The following IMMP2L variants were observed in gnomAD, a reference collection of about 807,000 sequenced individuals.
The protein encoded by IMMP2L is inner mitochondrial membrane peptidase subunit 2, also known as mitochondrial inner membrane protease subunit 2.
A neutral mutation model predicts 19.3 loss-of-function variants in IMMP2L; 18 were observed. That is an observed-to-expected ratio of 0.93 (90% confidence interval 0.64 to 1.38). IMMP2L has a LOEUF of 1.38. IMMP2L is among the 40% of genes most tolerant of loss of function. IMMP2L has a pLI of 0.00. For synonymous variants in IMMP2L, 76 were observed against 73.0 expected, an observed-to-expected ratio of 1.04 and a Z score of -0.21; for missense variants, 233 against 218.2, an observed-to-expected ratio of 1.07 and a Z score of -0.43.
At chr7:111,037,958 T>C (rs1190468277) in intron 3 of IMMP2L, among the ~76,000 whole-genome samples, 1 of 152,144 alleles carries the variant, frequency 6.6e-6, no homozygotes, top group Non-Finnish European at 1.5e-5. Context: ...AAAGTTCTCA[T>C]CCTATCTGTG....
chr7:111,048,238 C>CAAAAAAAAAAAAAAAAAAAAA (rs575701337), intron 3 of IMMP2L, among the ~76,000 whole-genome samples: 2 of 18,350 alleles, frequency 1.1e-4, no homozygotes, highest in African/African-American at 2.4e-4. Context: ...GACTCTGTCT[C>CAAAAAAAAAAAAAAAAAAAAA]AAAAAAAAAA....
intron 3 of IMMP2L, among the ~76,000 whole-genome samples, chr7:111,222,867 T>C (rs1369086195): frequency 1.3e-5 from 2 of 151,990 alleles, no homozygotes; most frequent in African/African-American, 2.4e-5. Context: ...GATAGGGAAG[T>C]ATACATAACA....
chr7:111,498,153 T>C (rs1259313972), intron 2 of IMMP2L, among the ~76,000 whole-genome samples: 1 of 152,086 alleles, frequency 6.6e-6, no homozygotes, highest in Non-Finnish European at 1.5e-5. Context: ...TTCAGGTCGC[T>C]ACAACTAGAT....
intron 3 of IMMP2L, among the ~76,000 whole-genome samples, chr7:111,129,354 C>T (rs894223515): frequency 9.2e-5 from 14 of 151,524 alleles, no homozygotes; most frequent in Non-Finnish European, 1.6e-4. Context: ...TTTCCCACGA[C>T]ATTATAGCAA....
At chr7:110,780,115 G>T (rs901767572) in intron 5 of IMMP2L, among the ~76,000 whole-genome samples, 11 of 151,408 alleles carry the variant, frequency 7.3e-5, no homozygotes, top group South Asian at 4.2e-4. Context: ...GCTCGCTTAG[G>T]TAAGAATCTC....
chr7:111,217,446 A>C (rs1812072269), intron 3 of IMMP2L, among the ~76,000 whole-genome samples: 1 of 152,048 alleles, frequency 6.6e-6, no homozygotes, highest in South Asian at 2.1e-4. Context: ...TTCACCTTAG[A>C]CTAATAAAGC....
chr7:111,399,105 C>A (rs982180541), intron 3 of IMMP2L, among the ~76,000 whole-genome samples: 1 of 152,018 alleles, frequency 6.6e-6, no homozygotes, highest in Non-Finnish European at 1.5e-5. Flanking sequence ...CACCATTATT[C>A]TTCTTCACAG....
chr7:111,501,227 T>C (rs1313711498), intron 2 of IMMP2L, among the ~76,000 whole-genome samples: 4 of 152,036 alleles, frequency 2.6e-5, no homozygotes, highest in Admixed American at 2.0e-4. Flanking sequence ...GTATCAGTGA[T>C]GGAAGACGAA....
chr7:111,266,018 T>C (rs1003645702), intron 3 of IMMP2L, among the ~76,000 whole-genome samples: 14 of 152,054 alleles, frequency 9.2e-5, no homozygotes, highest in Admixed American at 4.6e-4. Context: ...TCTTTTAGAG[T>C]TGATTTTTGA....
intron 1 of IMMP2L, among the ~76,000 whole-genome samples, chr7:111,558,355 C>T (rs1040894604): frequency 6.6e-6 from 1 of 152,160 alleles, no homozygotes. Context: ...AATCTGGATG[C>T]AAGGGCAAGG....
intron 4 of IMMP2L, among the ~76,000 whole-genome samples, chr7:110,935,767 C>G (rs886478324): frequency 6.6e-6 from 1 of 152,154 alleles, no homozygotes; most frequent in African/African-American, 2.4e-5. Context: ...AAGAACAAAG[C>G]TGGAAGCATC....
intron 3 of IMMP2L, among the ~76,000 whole-genome samples, chr7:111,214,588 G>C (rs1811729238): frequency 7.0e-6 from 1 of 142,054 alleles, no homozygotes; most frequent in African/African-American, 2.5e-5. Context: ...TCTGACCTCA[G>C]GTGATCCACC....
intron 3 of IMMP2L, among the ~76,000 whole-genome samples, chr7:111,289,204 T>C (rs1393730471): frequency 1.4e-5 from 2 of 147,844 alleles, no homozygotes. Context: ...CACTCATAAG[T>C]GGGAGCTGAT....
chr7:111,204,349 AT>A (rs1459479816), intron 3 of IMMP2L, among the ~76,000 whole-genome samples: 5 of 152,156 alleles, frequency 3.3e-5, no homozygotes, highest in African/African-American at 4.8e-5. Context: ...CAACAAAAAA[AT>A]CTCATTTTAG....
At chr7:111,482,620 G>A (rs1842288012) in intron 3 of IMMP2L, among the ~76,000 whole-genome samples, 1 of 152,016 alleles carries the variant, frequency 6.6e-6, no homozygotes, top group African/African-American at 2.4e-5. Context: ...ACCCAAGTAT[G>A]TGGTTCCAAG....
chr7:110,917,827 C>T (rs1813789306), intron 4 of IMMP2L, among the ~76,000 whole-genome samples: 1 of 151,790 alleles, frequency 6.6e-6, no homozygotes. Flanking sequence ...TGATAAATTC[C>T]CAATTGGATA....
intron 3 of IMMP2L, among the ~76,000 whole-genome samples, chr7:111,212,048 C>T (rs1811377044): frequency 1.3e-5 from 2 of 152,016 alleles, no homozygotes; most frequent in Admixed American, 1.3e-4. Context: ...TCTTCTCTTT[C>T]TATACTATAA....
intron 3 of IMMP2L, among the ~76,000 whole-genome samples, chr7:111,452,580 G>T (rs1839304160): frequency 6.6e-6 from 1 of 152,054 alleles, no homozygotes; most frequent in Admixed American, 6.6e-5. Flanking sequence ...AGGACAAAGA[G>T]AAGATCATGA....
chr7:110,842,489 C>T (rs1805191190), intron 5 of IMMP2L, among the ~76,000 whole-genome samples: 1 of 152,182 alleles, frequency 6.6e-6, no homozygotes, highest in African/African-American at 2.4e-5. Flanking sequence ...TGCTACTGTG[C>T]TCTTTGCCAA....
Sources: gnomAD v4.1 joint callset for allele counts (sites outside exome capture counted in the v4.1 genomes callset) on GRCh38, gnomAD v4.1.1 for gene constraint, MANE v1.5 for transcripts, NCBI Gene and HGNC (gene_info 2026-07-23, HGNC 2026-07-21) for gene names.